MACROD2: variants seen among roughly 807,000 people sequenced by gnomAD.
MACROD2 encodes the protein mono-ADP ribosylhydrolase 2.
In MACROD2, 36 loss-of-function variants were observed where a neutral mutation model predicts 70.4. That is an observed-to-expected ratio of 0.51 (90% CI 0.39 to 0.68). The LOEUF is 0.68. Among genes scored for constraint, MACROD2 ranks in the 30% least tolerant of loss-of-function variants. The pLI is 0.00. For missense variants in MACROD2, 496 were observed against 538.4 expected (o/e 0.92, Z 0.78); for synonymous variants, 172 against 178.8 (o/e 0.96, Z 0.30).
At chr20:14,163,461 C>T (rs1447540998) in intron 3 of MACROD2, among the ~76,000 whole-genome samples, 4 of 152,068 alleles carry the variant, frequency 2.6e-5, no homozygotes, top group Non-Finnish European at 5.9e-5. Context: ...GTTTGGGGAT[C>T]TGTGCACCTC....
chr20:14,010,896 C>T (rs992634275), intron 2 of MACROD2, among the ~76,000 whole-genome samples: 5 of 152,130 alleles, frequency 3.3e-5, no homozygotes, highest in Admixed American at 3.3e-4. Flanking sequence ...AAAGTTTTCT[C>T]CAGCATGAAT....
At chr20:14,606,402 A>G (rs1023416959) in intron 4 of MACROD2, among the ~76,000 whole-genome samples, 1 of 152,176 alleles carries the variant, frequency 6.6e-6, no homozygotes, top group African/African-American at 2.4e-5. Context: ...CATGCCTATA[A>G]CAATTCCAGG....
intron 5 of MACROD2, among the ~76,000 whole-genome samples, chr20:15,219,924 G>A (rs867518687): frequency 1.4e-5 from 2 of 141,130 alleles, no homozygotes; most frequent in African/African-American, 2.6e-5. Flanking sequence ...GAAATGACAG[G>A]TTTAGAGAAT....
chr20:15,708,906 G>C (rs1218041867), intron 8 of MACROD2, among the ~76,000 whole-genome samples: 3 of 152,092 alleles, frequency 2.0e-5, no homozygotes, highest in African/African-American at 7.2e-5. Context: ...CATACTTGTA[G>C]TCTAAGCAAC....
chr20:14,450,478 G>C (rs1225947983), intron 3 of MACROD2, among the ~76,000 whole-genome samples: 1 of 152,096 alleles, frequency 6.6e-6, no homozygotes, highest in South Asian at 2.1e-4. Flanking sequence ...TGCACAACAG[G>C]CTTCTAGGTC....
chr20:15,655,072 A>G lies in MACROD2; in HGVS notation c.645+155225A>G, dbSNP rs376342822. Among the ~76,000 whole-genome samples the G allele has an allele frequency of 6.2e-4, 94 of 152,246 alleles. 1 individual carries two copies. In the South Asian group the frequency reaches 0.018, roughly 29 times the overall value. The stretch of plus-strand genomic sequence containing the variant: ...ATAGAAATGGCATGAGGTCAGATAA[A>G]GTAAACGATTTCAATCACACTTGAA... On this transcript the variant is annotated intron_variant, in intron 8 of 17. Transcript: ENST00000684519.
chr20:14,968,848 A>G (rs765378902), intron 5 of MACROD2, among the ~76,000 whole-genome samples: 2 of 152,168 alleles, frequency 1.3e-5, no homozygotes, highest in Non-Finnish European at 2.9e-5. Context: ...TGCCTCTTCT[A>G]GCCCTGGGGT....
intron 3 of MACROD2, among the ~76,000 whole-genome samples, chr20:14,255,661 T>G (rs545994331): frequency 1.3e-5 from 2 of 150,472 alleles, no homozygotes; most frequent in Non-Finnish European, 2.9e-5. Context: ...ATTGTGCACA[T>G]GTACCCTAAT....
chr20:15,125,675 TTTCTC>T (rs1354558565), intron 5 of MACROD2, among the ~76,000 whole-genome samples: 1 of 152,090 alleles, frequency 6.6e-6, no homozygotes, highest in East Asian at 1.9e-4. Context: ...TAACCGGTAT[TTTCTC>T]TTTTCTTCTT....
chr20:15,002,723 A>G (rs1198111610), intron 5 of MACROD2, among the ~76,000 whole-genome samples: 3 of 152,146 alleles, frequency 2.0e-5, no homozygotes, highest in Admixed American at 1.3e-4. Flanking sequence ...ATGGAACTGT[A>G]TTTGCCTCAG....
chr20:14,122,141 G>T (rs941865630), intron 3 of MACROD2, among the ~76,000 whole-genome samples: 1 of 152,132 alleles, frequency 6.6e-6, no homozygotes, highest in East Asian at 1.9e-4. Context: ...TTCAGATATT[G>T]TCTGGTAAAA....
chr20:14,032,218 G>A (rs2261282), intron 2 of MACROD2, among the ~76,000 whole-genome samples: 142,682 of 152,076 alleles, frequency 0.94, 67,041 homozygotes, highest in East Asian at 1. Flanking sequence ...AAATTATTTT[G>A]TCTTTAATGA....
intron 5 of MACROD2, among the ~76,000 whole-genome samples, chr20:14,810,093 C>T (rs1206815089): frequency 4.6e-5 from 7 of 152,066 alleles, no homozygotes; most frequent in Non-Finnish European, 1.0e-4. Flanking sequence ...TTGTATAAGG[C>T]CAGCATCATC....
At chr20:15,103,418 A>G (rs961123886) in intron 5 of MACROD2, among the ~76,000 whole-genome samples, 2 of 152,124 alleles carry the variant, frequency 1.3e-5, no homozygotes, top group African/African-American at 4.8e-5. Context: ...GATGTGCCTA[A>G]TATGCTTGTT....
intron 8 of MACROD2, among the ~76,000 whole-genome samples, chr20:15,648,098 T>C (rs1342809110): frequency 6.6e-6 from 1 of 152,168 alleles, no homozygotes; most frequent in Non-Finnish European, 1.5e-5. Flanking sequence ...AACACTGTAA[T>C]GGATGACGGC....
chr20:15,344,033 ACTC>A (rs2078137362), intron 6 of MACROD2, among the ~76,000 whole-genome samples: 1 of 152,074 alleles, frequency 6.6e-6, no homozygotes, highest in African/African-American at 2.4e-5. Flanking sequence ...ATCTAAATAA[ACTC>A]CTAAATTTTC....
chr20:15,672,615 C>T (rs976975968), intron 8 of MACROD2, among the ~76,000 whole-genome samples: 2 of 152,154 alleles, frequency 1.3e-5, no homozygotes, highest in Admixed American at 1.3e-4. Flanking sequence ...ATTCACACGA[C>T]ATATTCTCCT....
chr20:15,213,751 G>A (rs527520730), intron 5 of MACROD2, among the ~76,000 whole-genome samples: 2 of 152,232 alleles, frequency 1.3e-5, no homozygotes, highest in South Asian at 2.1e-4. Flanking sequence ...TGTGAGAGGG[G>A]CCATCTCTCA....
chr20:14,659,507 T>C (rs549266454), intron 4 of MACROD2, among the ~76,000 whole-genome samples: 18 of 152,298 alleles, frequency 1.2e-4, no homozygotes, highest in African/African-American at 4.1e-4. Context: ...GCTGTCTTTA[T>C]TGTGCCAGAA....
Sources: allele counts gnomAD v4.1 joint callset (sites outside exome capture counted in the v4.1 genomes callset), GRCh38; gene constraint gnomAD v4.1.1; transcripts MANE v1.5; gene names NCBI Gene and HGNC (gene_info 2026-07-23, HGNC 2026-07-21).